NUP214: variants seen among roughly 807,000 people sequenced by gnomAD.
The protein encoded by NUP214 is nucleoporin 214.
NUP214 carries 79 observed loss-of-function variants against 196.2 expected under a neutral mutation model. That is an observed-to-expected ratio of 0.40 (90% CI 0.34 to 0.49). The LOEUF (loss-of-function observed/expected upper bound fraction) is 0.49, where lower values mean the gene tolerates loss of function less well. NUP214 is among the 20% of genes least tolerant of loss of function. The probability of loss-of-function intolerance (pLI) is 0.58; values close to 1 mark genes in which losing one functional copy is unlikely to be tolerated. For missense variants in NUP214, 2,468 were observed against 2,539.0 expected (o/e 0.97, Z 0.60); for synonymous variants, 1,020 against 990.5 (o/e 1.03, Z -0.56).
Position 131,146,386 on chromosome 9 carries a change from C to A in NUP214, c.1945+82C>A. On this transcript the variant is annotated intron_variant, in intron 13 of 35. Transcript: ENST00000359428. This position sits in a 1 kb window ranked among gnomAD's most constrained non-coding sequence, Gnocchi z 4.6. ...TTTAAGTGTTAAGAGTCGTAGCTAA[C>A]ATAGTTGGACAAGGTTATTTTTTCT... 1 of 1,359,206 alleles carries A rather than the reference C, an allele frequency of 7.4e-7. No individual in the cohort carries two copies. The highest frequency in any genetic ancestry group is 2.3e-5 in the East Asian group (1 of 43,066). 84.2% of individuals were successfully genotyped at this position (1,359,206 alleles called of 1,614,324 possible).
chr9:131,189,111 C>T lies in NUP214; in HGVS notation c.3554C>T (p.Ser1185Leu), dbSNP rs1392312985. Residue 1185 changes from serine (S) to leucine (L), a missense_variant, in exon 26 of 36, where the codon TCA becomes TTA. Ser to Leu is a moderately radical substitution (Grantham distance 145). Around this residue, in one of 5 missense-constraint regions of NUP214, gnomAD observed 1,801 missense variants for 1,779.4 expected, o/e 1.01. Coordinates refer to ENST00000359428, the MANE Select transcript of NUP214 (RefSeq NM_005085.4). Reference protein sequence around the residue: ...SGPTPASGQLSSGDKASGTAK... With the variant: ...SGPTPASGQLLSGDKASGTAK... ...CCTACACCAGCATCCGGTCAGTTATCATCTGGTGACAAAGCTTCAGGTCAG... is the reference window on the plus strand; with the variant it reads ...CCTACACCAGCATCCGGTCAGTTATTATCTGGTGACAAAGCTTCAGGTCAG... 6.2e-7 allele frequency: 1 copy of T among 1,614,018 alleles called. No individual in the cohort carries two copies. Among genetic ancestry groups the T allele is most frequent in the African/African-American group, 1.3e-5 (1 of 75,034 alleles).
In NUP214 at chr9:131,183,877, T is replaced by C. The variant is rs189661523; in HGVS notation, c.3420-3412T>C. ...TTCATCCTTATTTTATGAAAATGTT[T>C]CTTGTTAGAGAAAAATTTGGATGCA... On this transcript the variant is annotated intron_variant, in intron 24 of 35. Transcript: ENST00000359428. 3.7e-4 allele frequency among the ~76,000 whole-genome samples: 57 copies of C among 152,206 alleles called. 1 individual carries two copies. Among genetic ancestry groups the C allele is most frequent in the South Asian group, 1.2e-3 (6 of 4,830 alleles).
chr9:131,126,032 G>A (rs1831336652), intron 1 of NUP214: 2 of 478,580 alleles, frequency 4.2e-6, no homozygotes, highest in Admixed American at 8.3e-5. Context: ...AGTGTTGACT[G>A]TGTGCCAGGC....
intron 4 of NUP214, among the ~76,000 whole-genome samples, chr9:131,130,137 G>GTGT (rs1831489562): frequency 1.3e-5 from 1 of 76,894 alleles, no homozygotes; most frequent in Non-Finnish European, 2.3e-5. Flanking sequence ...TTCTGGTTTT[G>GTGT]TTTTTTTTTT....
intron 30 of NUP214, among the ~76,000 whole-genome samples, chr9:131,206,594 A>G (rs1474751768): frequency 6.6e-6 from 1 of 152,010 alleles, no homozygotes; most frequent in Admixed American, 6.5e-5. Context: ...CAGGTGCACC[A>G]CCACGCCCAA....
At chr9:131,219,519 C>T (rs920062948) in intron 31 of NUP214, among the ~76,000 whole-genome samples, 1 of 152,188 alleles carries the variant, frequency 6.6e-6, no homozygotes, top group African/African-American at 2.4e-5. Flanking sequence ...TTGGAGTTGG[C>T]ATGTTCTGTA....
intron 7 of NUP214, among the ~76,000 whole-genome samples, chr9:131,133,945 T>C (rs1462463883): frequency 6.6e-6 from 1 of 152,018 alleles, no homozygotes; most frequent in Admixed American, 6.6e-5. Context: ...TTGTTGTTGT[T>C]AATTTTTATT....
At chr9:131,176,354 C>CA (rs1564196065) in intron 23 of NUP214, among the ~76,000 whole-genome samples, 1 of 150,304 alleles carries the variant, frequency 6.7e-6, no homozygotes, top group Non-Finnish European at 1.5e-5. Flanking sequence ...GACAGGGTCT[C>CA]ACTGTGTTGC....
intron 33 of NUP214, chr9:131,230,111 A>G (rs1327489453): frequency 5.0e-6 from 1 of 200,648 alleles, no homozygotes; most frequent in Non-Finnish European, 1.0e-5. Flanking sequence ...GAGCAGGGGA[A>G]GGAAAATAGT....
chr9:131,151,922 A>C, intron 17 of NUP214, 28 bp downstream of exon 17: 1 of 1,535,922 alleles, frequency 6.5e-7, no homozygotes. Flanking sequence ...ATCTGTTTAA[A>C]AGATTTAAAA....
At chr9:131,228,437 C>T (rs1326138472) in intron 33 of NUP214, 106 bp downstream of exon 33, 32 of 1,131,504 alleles carry the variant, frequency 2.8e-5, no homozygotes, top group Non-Finnish European at 3.7e-5. Context: ...GTGAAGGCCC[C>T]TCCCTTGAAA....
At chr9:131,204,643 A>C (rs1007178673) in intron 30 of NUP214, among the ~76,000 whole-genome samples, 27 of 152,238 alleles carry the variant, frequency 1.8e-4, no homozygotes, top group African/African-American at 6.0e-4. Flanking sequence ...CCTGGAATGC[A>C]TCACAGAGAG....
At chr9:131,170,103 G>A (rs947185417) in intron 21 of NUP214, among the ~76,000 whole-genome samples, 1 of 152,012 alleles carries the variant, frequency 6.6e-6, no homozygotes, top group Admixed American at 6.6e-5. Context: ...TACAACATTA[G>A]GAATGTATTT....
Position 131,144,890 on chromosome 9 carries a change from A to G in NUP214, c.1769+136A>G, listed in dbSNP as rs369739643. On this transcript the variant is annotated intron_variant, in intron 12 of 35. Coordinates refer to ENST00000359428, the MANE Select transcript of NUP214 (RefSeq NM_005085.4). ...CCCAGAGTGATACTTGCAAATGGCAAAAATTCAACCAACATAAAATACTGG... is the reference window on the plus strand; with the variant it reads ...CCCAGAGTGATACTTGCAAATGGCAGAAATTCAACCAACATAAAATACTGG... 10 of 657,024 alleles carry G rather than the reference A, an allele frequency of 1.5e-5. No individual in the cohort carries two copies. The East Asian group carries it at 1.9e-4, about 13-fold the overall frequency. The allele number at this position is 657,024 out of a possible 1,614,324, so 40.7% of individuals were successfully genotyped here.
intron 7 of NUP214, 95 bp downstream of exon 7, chr9:131,133,304 G>GCTT (rs1831616041): frequency 2.6e-6 from 1 of 378,010 alleles, no homozygotes; most frequent in African/African-American, 2.5e-5. Context: ...TTGTGTTTGT[G>GCTT]TTTTTTTTTT....
Position 131,173,600 on chromosome 9 carries a change from TC to T in NUP214, c.2894-454del, listed in dbSNP as rs201015515. Reference sequence around the variant, plus strand: ...AATCATTAGATTTATCTGGAAATGTTCGAGACACTCAGGACCGAGGACATTC... The same window carrying T: ...AATCATTAGATTTATCTGGAAATGTTGAGACACTCAGGACCGAGGACATTC... On this transcript the variant is annotated intron_variant, in intron 21 of 35. Coordinates refer to ENST00000359428, the MANE Select transcript of NUP214 (RefSeq NM_005085.4). Among the ~76,000 whole-genome samples, 1,427 of 152,096 alleles carry T rather than the reference TC, an allele frequency of 9.4e-3. 6 individuals are homozygous for T. The highest frequency in any genetic ancestry group is 0.025 in the South Asian group (122 of 4,808).
At chr9:131,177,793 G>A (rs1329098870) in intron 23 of NUP214, among the ~76,000 whole-genome samples, 5 of 152,122 alleles carry the variant, frequency 3.3e-5, no homozygotes, top group Admixed American at 3.3e-4. Context: ...TATTGTCCAA[G>A]CTCCATTTTC....
intron 30 of NUP214, among the ~76,000 whole-genome samples, chr9:131,211,315 T>A (rs1834235051): frequency 6.6e-6 from 1 of 152,200 alleles, no homozygotes; most frequent in African/African-American, 2.4e-5. Flanking sequence ...CTCTTTTTCT[T>A]TTTACATTTT....
intron 18 of NUP214, among the ~76,000 whole-genome samples, chr9:131,161,959 A>G (rs1220395945): frequency 6.6e-6 from 1 of 152,212 alleles, no homozygotes; most frequent in Non-Finnish European, 1.5e-5. Flanking sequence ...ACAGCTTTGA[A>G]TGCAATCCAA....
Sources: gnomAD v4.1 joint callset for allele counts (sites outside exome capture counted in the v4.1 genomes callset) on GRCh38, gnomAD v4.1.1 for gene constraint, gnomAD v4.1.1 regional missense constraint, Gnocchi (gnomAD v3.1) non-coding constraint, MANE v1.5 for transcripts, NCBI Gene and HGNC (gene_info 2026-07-23, HGNC 2026-07-21) for gene names.